PSME4: variants seen among roughly 807,000 people sequenced by gnomAD.
The protein encoded by PSME4 is proteasome activator subunit 4, also known as proteasome activator complex subunit 4.
PSME4 carries 89 observed loss-of-function variants against 253.9 expected under a neutral mutation model. The observed-to-expected ratio is 0.35, with a 90% CI of 0.30 to 0.42. PSME4 has a LOEUF of 0.42. Among genes scored for constraint, PSME4 ranks in the 10% least tolerant of loss-of-function variants. The probability of loss-of-function intolerance (pLI) is 1.00; values close to 1 mark genes in which losing one functional copy is unlikely to be tolerated. For synonymous variants in PSME4, 851 were observed against 759.2 expected (o/e 1.12, Z -1.99); for missense variants, 2,014 against 2,195.2 (o/e 0.92, Z 1.65).
chr2:53,898,169 T>C (rs1680227797), intron 30 of PSME4, 132 bp downstream of exon 30: 4 of 1,183,648 alleles, frequency 3.4e-6, no homozygotes, highest in Admixed American at 2.7e-5. Context: ...TCTTTTCCTC[T>C]TAATCTGCTT....
In PSME4 at chr2:53,921,123, T is replaced by C. The variant is rs772954815; in HGVS notation, c.2047-19A>G. ...GAGTAATCTAAAAGGAGGGAAAAAATAGTTGAAGATATTTTGGTTAAAAGA... is the reference window on the plus strand; with the variant it reads ...GAGTAATCTAAAAGGAGGGAAAAAACAGTTGAAGATATTTTGGTTAAAAGA... On this transcript the variant is annotated intron_variant, in intron 17 of 46. Coordinates refer to ENST00000404125, the MANE Select transcript of PSME4 (RefSeq NM_014614.3). The C allele has an allele frequency of 1.9e-6, 3 of 1,611,760 alleles. No individual in the cohort carries two copies. Among genetic ancestry groups the C allele is most frequent in the Admixed American group, 3.4e-5 (2 of 59,558 alleles).
chr2:53,902,928 C>T (rs190522089), intron 27 of PSME4, among the ~76,000 whole-genome samples: 1 of 152,148 alleles, frequency 6.6e-6, no homozygotes, highest in Admixed American at 6.5e-5. Context: ...GTTTAGGGCT[C>T]GTCTTCATTA....
intron 17 of PSME4, 44 bp from the exon 18 acceptor site, chr2:53,921,148 A>C (rs1484592232): frequency 6.2e-7 from 1 of 1,607,700 alleles, no homozygotes; most frequent in Non-Finnish European, 8.5e-7. Flanking sequence ...TGGTTAAAAG[A>C]ACAAGAACCA....
intron 14 of PSME4, among the ~76,000 whole-genome samples, chr2:53,924,060 T>C (rs1029554995): frequency 6.6e-6 from 1 of 152,182 alleles, no homozygotes; most frequent in East Asian, 1.9e-4. Flanking sequence ...AGGGAATTTT[T>C]TGGAATACCT....
Position 53,936,791 on chromosome 2 carries a change from T to C in PSME4, c.732A>G (p.Ser244=), listed in dbSNP as rs143926020. The change falls in exon 6 of 47, where the codon TCA becomes TCG. Residue 244 remains serine (S), a synonymous_variant. Transcript: ENST00000404125. ...WFDELIGLWV[S]VQNLPQWEGQ... ...CCTCCCATTGTGGGAGATTTTGCAC[T>C]GAAACCCAAAGGCCAATTAATTCAT... is the stretch of plus-strand genomic sequence containing the variant. 2 of 1,597,948 alleles carry C rather than the reference T, an allele frequency of 1.3e-6. No homozygotes were observed. Among genetic ancestry groups the C allele is most frequent in the African/African-American group, 2.7e-5 (2 of 73,856 alleles).
intron 22 of PSME4, 93 bp downstream of exon 22, chr2:53,908,691 A>G: frequency 6.9e-7 from 1 of 1,446,172 alleles, no homozygotes; most frequent in South Asian, 1.3e-5. Flanking sequence ...ATTTAGAATA[A>G]AAAACATTAA....
Position 53,943,513 on chromosome 2 carries a change from C to G in PSME4, c.501-3513G>C, listed in dbSNP as rs556013527. Among the ~76,000 whole-genome samples the G allele has an allele frequency of 4.1e-4, 62 of 152,212 alleles. No individual in the cohort carries two copies. In the South Asian group the frequency reaches 5.8e-3, roughly 14 times the overall value. On this transcript the variant is annotated intron_variant, in intron 3 of 46. Transcript: ENST00000404125. ...AGTCATTTTTCATTGCCACTTCACT[C>G]AAAATTAGGGCCAAGATAATTTCAC... is the stretch of plus-strand genomic sequence containing the variant.
intron 27 of PSME4, among the ~76,000 whole-genome samples, chr2:53,902,890 C>T (rs1176865964): frequency 6.6e-6 from 1 of 152,162 alleles, no homozygotes; most frequent in East Asian, 1.9e-4. Flanking sequence ...TTTATTGACA[C>T]CTCTGTCTTA....
At chr2:53,909,991 A>G in intron 21 of PSME4, 84 bp downstream of exon 21, 11 of 1,132,076 alleles carry the variant, frequency 9.7e-6, no homozygotes, top group Non-Finnish European at 1.5e-5. Flanking sequence ...AAACAAAAAC[A>G]CTACTTCATA....
At chr2:53,942,837 G>A (rs1010509560) in intron 3 of PSME4, among the ~76,000 whole-genome samples, 2 of 152,038 alleles carry the variant, frequency 1.3e-5, no homozygotes, top group Non-Finnish European at 2.9e-5. Context: ...CTCCCCAACT[G>A]CCACCCTATT....
chr2:53,937,451 G>C lies in PSME4; in HGVS notation c.635C>G (p.Thr212Ser), dbSNP rs772162927. The stretch of plus-strand genomic sequence containing the variant: ...GGTAGGAAGAAATATTTCAAAATAA[G>C]TGATGGCCTTTTGCATGGTTACATC... The part of the protein sequence containing the change: ...PFDVTMQKAI[T>S]YFEIFLPTSL... The change falls in exon 5 of 47, where the codon ACT becomes AGT. Residue 212 changes from threonine (T) to serine (S), a missense_variant. Thr to Ser is a moderately conservative substitution (Grantham distance 58). This residue lies in a region of PSME4 where 615 missense variants were observed against 594.4 expected (regional missense o/e 1.03). Coordinates refer to ENST00000404125, the MANE Select transcript of PSME4 (RefSeq NM_014614.3). 6.2e-7 allele frequency: 1 copy of C among 1,610,596 alleles called. No individual in the cohort carries two copies.
rs761735783 is a variant in PSME4 at position 53,886,665 on chromosome 2, G to A, written c.4729+594C>T. On this transcript the variant is annotated intron_variant, in intron 40 of 46. Transcript: ENST00000404125. ...GCAGCTCTTCAAAAACTTAAGCACA[G>A]AAATACTACATGGTCTAACAATTCC... Among the ~76,000 whole-genome samples the A allele has an allele frequency of 2.0e-5, 3 of 152,182 alleles. No individual in the cohort carries two copies. In the East Asian group the frequency reaches 5.8e-4, roughly 29 times the overall value.
chr2:53,947,533 G>A (rs761736577), intron 3 of PSME4, among the ~76,000 whole-genome samples: 74 of 151,904 alleles, frequency 4.9e-4, no homozygotes, highest in Non-Finnish European at 6.6e-4. Context: ...GTGAAACACC[G>A]TCTCTACTAA....
At position 53,947,650 on chromosome 2, in the gene PSME4, G is replaced by T. The variant is rs190021432; in HGVS notation, c.500+771C>A. 1.4e-3 allele frequency among the ~76,000 whole-genome samples: 213 copies of T among 152,178 alleles called. 1 individual carries two copies. Among genetic ancestry groups the T allele is most frequent in the African/African-American group, 5.0e-3 (206 of 41,492 alleles). ...GAACCCTGGAGGTGGAGCTTGCAGT[G>T]AGCTGAGATCGCACCACTGCACTCC... On this transcript the variant is annotated intron_variant, in intron 3 of 46. Coordinates refer to ENST00000404125, the MANE Select transcript of PSME4 (RefSeq NM_014614.3).
At chr2:53,904,490 A>G (rs1160469978) in intron 26 of PSME4, among the ~76,000 whole-genome samples, 1 of 152,228 alleles carries the variant, frequency 6.6e-6, no homozygotes, top group African/African-American at 2.4e-5. Context: ...ATTATTCTAG[A>G]TATAAAGAGC....
At position 53,865,071 on chromosome 2, in the gene PSME4, C is replaced by T. The variant is rs1316653891; in HGVS notation, c.*507G>A. Reference sequence around the variant, plus strand: ...TCATTGGTTAGGTTCAGGACTTGCCCTCTTTTCCTTCCCTCTTCATGGCTC... The same window carrying T: ...TCATTGGTTAGGTTCAGGACTTGCCTTCTTTTCCTTCCCTCTTCATGGCTC... On this transcript the variant is annotated 3_prime_UTR_variant, in exon 47 of 47. Coordinates refer to ENST00000404125, the MANE Select transcript of PSME4 (RefSeq NM_014614.3). 6.6e-6 allele frequency: 1 copy of T among 152,658 alleles called. No homozygotes were observed. Among genetic ancestry groups the T allele is most frequent in the Non-Finnish European group, 1.5e-5 (1 of 68,068 alleles). 9.5% of individuals were successfully genotyped at this position (152,658 alleles called of 1,614,324 possible).
intron 43 of PSME4, chr2:53,870,624 C>A (rs544834045): frequency 3.3e-5 from 5 of 151,870 alleles, no homozygotes; most frequent in East Asian, 1.9e-4. Context: ...GATCCGCCCA[C>A]GTCAGCCTCC....
At chr2:53,935,412 T>C (rs902708409) in intron 7 of PSME4, among the ~76,000 whole-genome samples, 1 of 152,148 alleles carries the variant, frequency 6.6e-6, no homozygotes, top group Non-Finnish European at 1.5e-5. Flanking sequence ...TTTGCTCTAA[T>C]GTAAGTGTGT....
chr2:53,936,784 T>G lies in PSME4; in HGVS notation c.739A>C (p.Asn247His). The G allele has an allele frequency of 6.3e-7, 1 of 1,596,856 alleles. No individual in the cohort carries two copies. The highest frequency in any genetic ancestry group is 1.1e-5 in the South Asian group (1 of 88,608). ...ELIGLWVSVQ[N>H]LPQWEGQLVN... ...CTTACCCCCTCCCATTGTGGGAGAT[T>G]TTGCACTGAAACCCAAAGGCCAATT... The change falls in exon 6 of 47, where the codon AAT (asparagine) becomes CAT (histidine). Residue 247 changes from asparagine to histidine, a missense_variant. Asn to His is a moderately conservative substitution (Grantham distance 68). Transcript: ENST00000404125.
Sources: gnomAD v4.1 joint callset for allele counts (sites outside exome capture counted in the v4.1 genomes callset) on GRCh38, gnomAD v4.1.1 for gene constraint, gnomAD v4.1.1 regional missense constraint, MANE v1.5 for transcripts, NCBI Gene and HGNC (gene_info 2026-07-23, HGNC 2026-07-21) for gene names.